The following FRAS1 variants were observed in gnomAD, a reference collection of about 807,000 sequenced individuals.
FRAS1 encodes the protein Fraser extracellular matrix complex subunit 1.
FRAS1 carries 290 observed loss-of-function variants against 435.2 expected under a neutral mutation model. That is an observed-to-expected ratio of 0.67 (90% CI 0.61 to 0.73). The LOEUF (loss-of-function observed/expected upper bound fraction) is 0.73, where lower values mean the gene tolerates loss of function less well. Among genes scored for constraint, FRAS1 ranks in the 30% least tolerant of loss-of-function variants. The pLI is 0.00. For missense variants in FRAS1, 4,860 were observed against 5,001.5 expected (o/e 0.97, Z 0.85); for synonymous variants, 1,800 against 1,851.0 (o/e 0.97, Z 0.71).
intron 72 of FRAS1, among the ~76,000 whole-genome samples, chr4:78,537,672 G>A (rs1175383403): frequency 6.6e-6 from 1 of 152,138 alleles, no homozygotes; most frequent in East Asian, 1.9e-4. Context: ...GCAGGGCGTG[G>A]TGGCTCATGC....
intron 6 of FRAS1, among the ~76,000 whole-genome samples, chr4:78,260,711 AT>A (rs1325570304): frequency 6.6e-6 from 1 of 152,100 alleles, no homozygotes; most frequent in Non-Finnish European, 1.5e-5. Flanking sequence ...CTCCTGCCTA[AT>A]TACCCTGGCC....
Position 78,508,870 on chromosome 4 carries a change from G to A in FRAS1, c.9644G>A (p.Arg3215His), listed in dbSNP as rs755011369. ...CCCAGATACGCTGTCATGAAGGAGCGCTGCAGTGAGGCCGGCATCAACCAG... is the reference window on the plus strand; with the variant it reads ...CCCAGATACGCTGTCATGAAGGAGCACTGCAGTGAGGCCGGCATCAACCAG... ...HFPRYAVMKE[R>H]CSEAGINQTS... The change falls in exon 63 of 74, where the codon CGC becomes CAC. Residue 3215 changes from arginine (R) to histidine (H), a missense_variant. By Grantham distance (29) the Arg-to-His change is conservative (BLOSUM62 0). Transcript: ENST00000512123. 46 of 1,613,728 alleles carry A rather than the reference G, an allele frequency of 2.9e-5. No homozygotes were observed. Among genetic ancestry groups the A allele is most frequent in the Non-Finnish European group, 3.6e-5 (43 of 1,179,862 alleles).
chr4:78,212,216 C>G (rs1368085422), intron 2 of FRAS1, among the ~76,000 whole-genome samples: 2 of 152,112 alleles, frequency 1.3e-5, no homozygotes, highest in African/African-American at 4.8e-5. Context: ...GTCACCTTTG[C>G]AAATTCTTGT....
intron 6 of FRAS1, among the ~76,000 whole-genome samples, chr4:78,256,638 T>G (rs1285072771): frequency 6.6e-6 from 1 of 152,216 alleles, no homozygotes; most frequent in South Asian, 2.1e-4. Context: ...TTAAAATCAT[T>G]AAACATAAAC....
intron 9 of FRAS1, among the ~76,000 whole-genome samples, chr4:78,275,987 C>T (rs1726999821): frequency 1.3e-5 from 2 of 152,184 alleles, no homozygotes; most frequent in Admixed American, 1.3e-4. Flanking sequence ...CACATAGTCC[C>T]TTATTTCTTG....
At chr4:78,341,819 T>C (rs1730407561) in intron 20 of FRAS1, among the ~76,000 whole-genome samples, 1 of 152,020 alleles carries the variant, frequency 6.6e-6, no homozygotes, top group Admixed American at 6.5e-5. Context: ...CAATTTGGGG[T>C]GAGAGTTGGA....
chr4:78,536,403 C>T (rs183107269), intron 71 of FRAS1, among the ~76,000 whole-genome samples: 1 of 152,038 alleles, frequency 6.6e-6, no homozygotes, highest in African/African-American at 2.4e-5. Context: ...TGGAATGTAA[C>T]AGTATAGCAT....
intron 2 of FRAS1, among the ~76,000 whole-genome samples, chr4:78,080,727 C>A (rs1260977750): frequency 1.3e-5 from 2 of 152,210 alleles, no homozygotes; most frequent in Non-Finnish European, 2.9e-5. Context: ...TTTGGGCTCA[C>A]AAATGCTTTA....
intron 2 of FRAS1, among the ~76,000 whole-genome samples, chr4:78,218,114 A>T: frequency 8.1e-6 from 1 of 123,780 alleles, no homozygotes; most frequent in South Asian, 3.2e-4. Context: ...ACACACACAC[A>T]CACACACACA....
intron 66 of FRAS1, among the ~76,000 whole-genome samples, chr4:78,517,584 C>A (rs1721248704): frequency 6.6e-6 from 1 of 152,180 alleles, no homozygotes; most frequent in African/African-American, 2.4e-5. Flanking sequence ...GAACTTAGAA[C>A]TAAGGCCTAG....
At chr4:78,253,768 T>G (rs1725659886) in intron 5 of FRAS1, among the ~76,000 whole-genome samples, 1 of 152,202 alleles carries the variant, frequency 6.6e-6, no homozygotes, top group Non-Finnish European at 1.5e-5. Flanking sequence ...CAGTTCTGCA[T>G]TCACAGCTCC....
At chr4:78,473,394 G>A (rs759194546) in intron 52 of FRAS1, 44 bp from the exon 53 acceptor site, 43 of 1,551,200 alleles carry the variant, frequency 2.8e-5, no homozygotes, top group Middle Eastern at 1.7e-4. Flanking sequence ...TGAAGCTGTC[G>A]TTACATCCCT....
At chr4:78,432,315 TC>T in intron 37 of FRAS1, 41 bp from the exon 38 acceptor site, 1 of 1,541,438 alleles carries the variant, frequency 6.5e-7, no homozygotes, top group Admixed American at 1.9e-5. Context: ...AAAGCATTAT[TC>T]CCAGAAGCAA....
At chr4:78,126,599 C>A (rs1038486846) in intron 2 of FRAS1, among the ~76,000 whole-genome samples, 1 of 152,178 alleles carries the variant, frequency 6.6e-6, no homozygotes, top group East Asian at 1.9e-4. Flanking sequence ...TCTTGATATT[C>A]TTTGTATTGA....
chr4:78,498,768 A>G (rs2029915), intron 60 of FRAS1, among the ~76,000 whole-genome samples: 10,317 of 151,630 alleles, frequency 0.068, 1,184 homozygotes, highest in African/African-American at 0.24. Flanking sequence ...CTCTACCACC[A>G]CCCCACCCTT....
intron 2 of FRAS1, 78 bp downstream of exon 2, chr4:78,066,094 G>C: frequency 1.0e-6 from 1 of 959,914 alleles, no homozygotes; most frequent in Non-Finnish European, 1.7e-6. Flanking sequence ...TGAGTGAGTT[G>C]ACCCTATCAT....
intron 50 of FRAS1, among the ~76,000 whole-genome samples, chr4:78,469,255 C>G (rs1719631592): frequency 6.6e-6 from 1 of 152,188 alleles, no homozygotes; most frequent in South Asian, 2.1e-4. Flanking sequence ...AAGCCAACGT[C>G]TCATTGCCCT....
At chr4:78,090,544 C>G (rs150823163) in intron 2 of FRAS1, among the ~76,000 whole-genome samples, 115 of 152,192 alleles carry the variant, frequency 7.6e-4, no homozygotes, top group African/African-American at 2.5e-3. Flanking sequence ...GTCAAAGAGG[C>G]CTCCGTCACT....
intron 2 of FRAS1, among the ~76,000 whole-genome samples, chr4:78,212,065 G>A (rs1315305660): frequency 6.6e-6 from 1 of 152,164 alleles, no homozygotes; most frequent in Admixed American, 6.5e-5. Context: ...GGATGCATAT[G>A]TATGTATATA....
Sources: allele counts gnomAD v4.1 joint callset (sites outside exome capture counted in the v4.1 genomes callset), GRCh38; gene constraint gnomAD v4.1.1; transcripts MANE v1.5; gene names NCBI Gene and HGNC (gene_info 2026-07-23, HGNC 2026-07-21).